The following NAV3 variants were observed in gnomAD, a reference collection of about 807,000 sequenced individuals.
NAV3 encodes neuron navigator 3.
In NAV3, 87 loss-of-function variants were observed where a neutral mutation model predicts 244.7. The observed-to-expected ratio is 0.36, with a 90% CI of 0.30 to 0.42. The LOEUF (loss-of-function observed/expected upper bound fraction) is 0.42, where lower values mean the gene tolerates loss of function less well. Ranked by LOEUF, NAV3 falls within the 20% of genes least tolerant of loss-of-function variation. The probability of loss-of-function intolerance (pLI) is 1.00; values close to 1 mark genes in which losing one functional copy is unlikely to be tolerated. For missense variants in NAV3, 2,663 were observed against 2,893.3 expected, an observed-to-expected ratio of 0.92 and a Z score of 1.83; for synonymous variants, 1,126 against 1,042.2, an observed-to-expected ratio of 1.08 and a Z score of -1.55.
rs186407925 is a variant in NAV3, at chr12:77,759,983, C to T, written c.73-180336C>T. 1.7e-3 allele frequency among the ~76,000 whole-genome samples: 264 copies of T among 152,236 alleles called. 1 individual carries two copies. In the East Asian group the frequency reaches 0.021, roughly 12 times the overall value. Reference sequence around the variant, plus strand: ...AAAGTAGCCTCTTTGTATATTAATACGTGTTTTCTTTCTAGGATCAGTTAT... The same window carrying T: ...AAAGTAGCCTCTTTGTATATTAATATGTGTTTTCTTTCTAGGATCAGTTAT... On this transcript the variant is annotated intron_variant, in intron 2 of 8. Transcript: ENST00000550042.
intron 35 of NAV3, among the ~76,000 whole-genome samples, chr12:78,197,687 A>G (rs1214527423): frequency 6.6e-6 from 1 of 151,828 alleles, no homozygotes; most frequent in African/African-American, 2.4e-5. Flanking sequence ...TTAATATTAT[A>G]CCACAGTTTT....
At chr12:78,084,448 A>T (rs928850861) in intron 12 of NAV3, among the ~76,000 whole-genome samples, 3 of 152,038 alleles carry the variant, frequency 2.0e-5, no homozygotes, top group African/African-American at 7.2e-5. Flanking sequence ...GTCCTGTATC[A>T]CCAATTTTTT....
At chr12:77,951,524 A>G (rs1890880011) in intron 3 of NAV3, among the ~76,000 whole-genome samples, 1 of 152,180 alleles carries the variant, frequency 6.6e-6, no homozygotes, top group South Asian at 2.1e-4. Context: ...TTGCTCAAGG[A>G]TCTGGAACTA....
chr12:77,763,544 A>AGT (rs1435434823), intron 2 of NAV3, among the ~76,000 whole-genome samples: 1 of 152,182 alleles, frequency 6.6e-6, no homozygotes, highest in African/African-American at 2.4e-5. Flanking sequence ...CCCTAATACG[A>AGT]GTAATGCACC....
chr12:78,047,544 C>T (rs1439545433), intron 9 of NAV3, among the ~76,000 whole-genome samples: 1 of 152,120 alleles, frequency 6.6e-6, no homozygotes, highest in East Asian at 1.9e-4. Flanking sequence ...GCCCTCACTC[C>T]CTCTGGCTTT....
At chr12:77,814,485 A>G (rs565062546) in intron 2 of NAV3, among the ~76,000 whole-genome samples, 1 of 152,188 alleles carries the variant, frequency 6.6e-6, no homozygotes, top group East Asian at 1.9e-4. Flanking sequence ...GAAAACAACA[A>G]TAAGGAGAGG....
At chr12:78,035,856 C>A (rs1287551594) in intron 9 of NAV3, among the ~76,000 whole-genome samples, 1 of 152,162 alleles carries the variant, frequency 6.6e-6, no homozygotes, top group African/African-American at 2.4e-5. Context: ...AAAGCATTAT[C>A]TCCTAGCGGG....
At chr12:77,797,311 C>G (rs188639796) in intron 2 of NAV3, among the ~76,000 whole-genome samples, 79 of 152,128 alleles carry the variant, frequency 5.2e-4, no homozygotes, top group Middle Eastern at 3.4e-3. Flanking sequence ...AGTTCTCAGG[C>G]TCTCATTTGT....
At chr12:77,751,366 C>T (rs1321762843) in intron 2 of NAV3, among the ~76,000 whole-genome samples, 1 of 152,152 alleles carries the variant, frequency 6.6e-6, no homozygotes, top group Admixed American at 6.6e-5. Context: ...TATGGTTTGG[C>T]TGTGTCCCTG....
At chr12:78,193,077 G>A (rs189864139) in intron 34 of NAV3, among the ~76,000 whole-genome samples, 9 of 152,270 alleles carry the variant, frequency 5.9e-5, no homozygotes, top group African/African-American at 1.4e-4. Flanking sequence ...AAATGCTGAC[G>A]CATTTTATGC....
chr12:77,991,572 G>C (rs922553263), intron 5 of NAV3, among the ~76,000 whole-genome samples: 4 of 152,090 alleles, frequency 2.6e-5, no homozygotes, highest in Non-Finnish European at 5.9e-5. Flanking sequence ...GGTGATACTT[G>C]AAAAATGGTT....
upstream of NAV3, among the ~76,000 whole-genome samples, chr12:77,827,317 T>C (rs922273187): frequency 2.6e-5 from 4 of 152,028 alleles, no homozygotes; most frequent in African/African-American, 9.7e-5. Flanking sequence ...TCAAATCATA[T>C]TTTTCCTTTC....
chr12:78,076,841 A>T (rs1160579198), intron 12 of NAV3, among the ~76,000 whole-genome samples: 2 of 152,206 alleles, frequency 1.3e-5, no homozygotes, highest in African/African-American at 4.8e-5. Flanking sequence ...TACTTGCTTA[A>T]GAAATTCAAG....
intron 1 of NAV3, among the ~76,000 whole-genome samples, chr12:77,882,709 T>C (rs911786461): frequency 6.6e-6 from 1 of 152,122 alleles, no homozygotes; most frequent in Non-Finnish European, 1.5e-5. Flanking sequence ...ATTTAAAATC[T>C]ATAAGGAATT....
intron 9 of NAV3, among the ~76,000 whole-genome samples, chr12:78,048,089 G>A (rs111971414): frequency 0.057 from 8,624 of 152,042 alleles, 707 homozygotes; most frequent in African/African-American, 0.18. Context: ...CCACTAAACT[G>A]GTTATTCTAG....
chr12:77,937,494 T>C (rs564425161), intron 1 of NAV3, among the ~76,000 whole-genome samples: 5 of 152,228 alleles, frequency 3.3e-5, no homozygotes, highest in Non-Finnish European at 7.3e-5. Flanking sequence ...TTTTGTTTTT[T>C]ATTTAAACAA....
At chr12:77,872,844 C>T (rs1032497533) in intron 1 of NAV3, among the ~76,000 whole-genome samples, 1 of 152,076 alleles carries the variant, frequency 6.6e-6, no homozygotes, top group Admixed American at 6.6e-5. Context: ...AATGTATGCT[C>T]TTTAGAGAAT....
chr12:77,977,553 C>A (rs1166110484), intron 5 of NAV3, among the ~76,000 whole-genome samples: 1 of 151,964 alleles, frequency 6.6e-6, no homozygotes, highest in East Asian at 1.9e-4. Flanking sequence ...CTGTTATCGG[C>A]ACTTTTATTT....
intron 1 of NAV3, among the ~76,000 whole-genome samples, chr12:77,834,556 T>G (rs937987842): frequency 6.6e-6 from 1 of 152,240 alleles, no homozygotes; most frequent in African/African-American, 2.4e-5. Context: ...AGAGAGACAC[T>G]GTCTCTGCTG....
Sources: allele counts gnomAD v4.1 joint callset (sites outside exome capture counted in the v4.1 genomes callset), GRCh38; gene constraint gnomAD v4.1.1; transcripts MANE v1.5; gene names NCBI Gene and HGNC (gene_info 2026-07-23, HGNC 2026-07-21).